The following AKT1 variants were observed in gnomAD, a reference collection of about 807,000 sequenced individuals.
AKT1 encodes RAC-alpha serine/threonine-protein kinase.
A neutral mutation model predicts 63.1 loss-of-function variants in AKT1; 21 were observed. That is an observed-to-expected ratio of 0.33 (90% CI 0.24 to 0.48). AKT1 has a LOEUF of 0.48. Ranked by LOEUF, AKT1 falls within the 20% of genes least tolerant of loss-of-function variation. AKT1 has a pLI of 0.99. For missense variants in AKT1, 382 were observed against 666.0 expected, an observed-to-expected ratio of 0.57 and a Z score of 4.69; for synonymous variants, 257 against 253.1, an observed-to-expected ratio of 1.02 and a Z score of -0.15.
chr14:104,785,546 C>A (rs1893287530), intron 3 of AKT1, among the ~76,000 whole-genome samples: 1 of 152,166 alleles, frequency 6.6e-6, no homozygotes, highest in Non-Finnish European at 1.5e-5. Context: ...AGCCCAGGAC[C>A]CATTCTGCTC....
At chr14:104,777,540 G>A in intron 4 of AKT1, 1 of 1,013,248 alleles carries the variant, frequency 9.9e-7, no homozygotes, top group Non-Finnish European at 1.2e-6. Context: ...GCCACACCTG[G>A]GGCACAAGCA....
chr14:104,775,432 T>C (rs894032833), intron 6 of AKT1: 14 of 1,085,334 alleles, frequency 1.3e-5, no homozygotes, highest in South Asian at 6.6e-5. Flanking sequence ...TGGGGTAACA[T>C]TGCCCAAGCC....
At chr14:104,781,345 G>A (rs1893028597) in intron 3 of AKT1, among the ~76,000 whole-genome samples, 2 of 152,048 alleles carry the variant, frequency 1.3e-5, no homozygotes, top group South Asian at 4.1e-4. Flanking sequence ...GGATGTGGGG[G>A]ACAAGCAATT....
rs759249014 is a variant in AKT1, at chr14:104,772,862, G to C, written c.1172+16C>G. ...GGATGGAGGTGTAGCCTGTAGCTGG[G>C]ATGGGCGGCCCTCACCTCTGCTTGG... On this transcript the variant is annotated intron_variant, in intron 12 of 14. Coordinates refer to ENST00000649815, the MANE Select transcript of AKT1 (RefSeq NM_001382430.1). The C allele has an allele frequency of 2.5e-6, 4 of 1,600,468 alleles. No individual in the cohort carries two copies. The East Asian group carries it at 9.0e-5, about 36-fold the overall frequency.
intron 13 of AKT1, chr14:104,771,051 C>T (rs913683627): frequency 3.5e-6 from 2 of 577,828 alleles, no homozygotes; most frequent in Admixed American, 3.0e-5. Context: ...ACGGAGACAA[C>T]CCTCAACAGC....
rs1456728846 is a variant in AKT1, at chr14:104,779,947, A to AC, written c.175+140dup. 62 of 1,258,238 alleles carry AC rather than the reference A, an allele frequency of 4.9e-5. No individual in the cohort carries two copies. The East Asian group carries it at 1.4e-3, about 29-fold the overall frequency. The allele number at this position is 1,258,238 out of a possible 1,614,324, so 77.9% of individuals were successfully genotyped here. On this transcript the variant is annotated intron_variant, in intron 4 of 14. Coordinates refer to ENST00000649815, the MANE Select transcript of AKT1 (RefSeq NM_001382430.1). ...GCCAGCCTCGGGACTCGGCCCAGAG[A>AC]CCCCCACCCAGCCAGTGCTTGTTGC...
At chr14:104,770,452 C>A in intron 14 of AKT1, 32 bp from the exon 15 acceptor site, 1 of 1,538,902 alleles carries the variant, frequency 6.5e-7, no homozygotes, top group East Asian at 2.4e-5. Context: ...ACCCCGGTGC[C>A]CCACCTCCCT....
intron 3 of AKT1, among the ~76,000 whole-genome samples, chr14:104,785,004 GGGTGCCAGGCGGCACCGA>G (rs2140978295): frequency 6.6e-6 from 1 of 152,332 alleles, no homozygotes; most frequent in South Asian, 2.1e-4. Flanking sequence ...GCGGCTGGCA[GGGTGCCAGGCGGCACCGA>G]GCTGCTTCTC....
chr14:104,774,847 G>A (rs553293257), intron 8 of AKT1, 91 bp downstream of exon 8: 2 of 1,404,152 alleles, frequency 1.4e-6, no homozygotes, highest in East Asian at 2.3e-5. Context: ...GCCCTCACGT[G>A]CCCAAGAAGA....
At position 104,795,077 on chromosome 14, in the gene AKT1, G is replaced by C. The variant is rs36214921; in HGVS notation, c.-258+407C>G. On this transcript the variant is annotated intron_variant, in intron 1 of 14. Transcript: ENST00000649815. The surrounding 1 kb of genome is among the most constrained non-coding windows in gnomAD (Gnocchi z 5.1). ...TCCCACAAACTTGAAGGCCGGCCGC[G>C]GCGAGTCTTTCTCCAACCCCGGGGC... 46,087 of 152,158 alleles carry C rather than the reference G, an allele frequency of 0.3. 7,437 individuals are homozygous for C. Among genetic ancestry groups the C allele is most frequent in the African/African-American group, 0.38 (15,825 of 41,542 alleles). The allele number at this position is 152,158 out of a possible 1,614,324, so 9.4% of individuals were successfully genotyped here. A position where few individuals can be genotyped will look rare whatever the true frequency, so the allele number is the denominator to read the frequency against.
intron 3 of AKT1, among the ~76,000 whole-genome samples, chr14:104,781,701 G>GT (rs1255459445): frequency 6.6e-6 from 1 of 152,174 alleles, no homozygotes; most frequent in Non-Finnish European, 1.5e-5. Context: ...CAGGGCTGCT[G>GT]GGGGGATGCT....
Position 104,773,388 on chromosome 14 carries a change from A to G in AKT1, c.829-9T>C, listed in dbSNP as rs1892508128. On this transcript the variant is annotated splice_polypyrimidine_tract_variant and intron_variant, in intron 10 of 14. Transcript: ENST00000649815. ...AGCATGAGGTTCTCCAGCTAGGGGA[A>G]AGGTGGCCTCAGGTCAGTGCCGCCA... The G allele has an allele frequency of 1.9e-6, 3 of 1,614,134 alleles. No individual in the cohort carries two copies. Among genetic ancestry groups the G allele is most frequent in the Non-Finnish European group, 2.5e-6 (3 of 1,179,980 alleles).
intron 8 of AKT1, chr14:104,774,277 T>C (rs942536341): frequency 2.6e-5 from 12 of 467,770 alleles, no homozygotes; most frequent in African/African-American, 3.9e-5. Flanking sequence ...CACGCCACCA[T>C]CAGGCTGGGC....
Position 104,775,429 on chromosome 14 carries a change from A to T in AKT1, c.436-222T>A, listed in dbSNP as rs190066902. On this transcript the variant is annotated intron_variant, in intron 6 of 14. Transcript: ENST00000649815. The stretch of plus-strand genomic sequence containing the variant: ...ATGGGGTTCAGGGAAGGGTGGGGTA[A>T]CATTGCCCAAGCCTGGCAGGGCTCA... The T allele has an allele frequency of 1.0e-5, 11 of 1,085,118 alleles. No homozygotes were observed. The African/African-American group carries it at 1.1e-4, about 11-fold the overall frequency. 67.2% of individuals were successfully genotyped at this position (1,085,118 alleles called of 1,614,324 possible). A position where few individuals can be genotyped will look rare whatever the true frequency, so the allele number is the denominator to read the frequency against.
chr14:104,786,434 G>A (rs1229223755), intron 3 of AKT1: 1 of 14,790 alleles, frequency 6.8e-5, no homozygotes, highest in African/African-American at 1.1e-4. Context: ...TCCGGGGCTC[G>A]GCCGGGGGCA....
chr14:104,771,773 G>C lies in AKT1; in HGVS notation c.1260+592C>G, dbSNP rs1482085095. 11 of 236,690 alleles carry C rather than the reference G, an allele frequency of 4.6e-5. No individual in the cohort carries two copies. In the Admixed American group the frequency reaches 5.9e-4, roughly 13 times the overall value. 14.7% of individuals were successfully genotyped at this position (236,690 alleles called of 1,614,324 possible). ...GAGTGCAGGCTTCCGAACCCAGCTG[G>C]CAGACCCCATCAGCTGGGGTGATGG... On this transcript the variant is annotated intron_variant, in intron 13 of 14. Coordinates refer to ENST00000649815, the MANE Select transcript of AKT1 (RefSeq NM_001382430.1).
intron 12 of AKT1, 85 bp from the exon 13 acceptor site, chr14:104,772,537 G>A: frequency 7.2e-7 from 1 of 1,383,400 alleles, no homozygotes; most frequent in African/African-American, 1.4e-5. Context: ...GTGATGTAGG[G>A]CCCGCCAGAC....
At chr14:104,788,134 C>A (rs1408522556) in intron 3 of AKT1, among the ~76,000 whole-genome samples, 1 of 152,210 alleles carries the variant, frequency 6.6e-6, no homozygotes, top group Non-Finnish European at 1.5e-5. Flanking sequence ...AGACCCTCAA[C>A]GCTCCCCCAG....
chr14:104,781,231 C>T (rs1893021096), intron 3 of AKT1, among the ~76,000 whole-genome samples: 1 of 150,932 alleles, frequency 6.6e-6, no homozygotes, highest in Admixed American at 6.6e-5. Context: ...TGAGGGGTCA[C>T]TGGGCAGGGG....
Sources: allele counts gnomAD v4.1 joint callset (sites outside exome capture counted in the v4.1 genomes callset), GRCh38; gene constraint gnomAD v4.1.1; non-coding constraint Gnocchi (gnomAD v3.1); transcripts MANE v1.5; gene names NCBI Gene and HGNC (gene_info 2026-07-23, HGNC 2026-07-21).